EBF2: variants seen among roughly 807,000 people sequenced by gnomAD.
The protein encoded by EBF2 is EBF transcription factor 2, also known as transcription factor COE2.
EBF2 carries 21 observed loss-of-function variants against 72.8 expected under a neutral mutation model. That is an observed-to-expected ratio of 0.29 (90% CI 0.20 to 0.42). The LOEUF is 0.42. Ranked by LOEUF, EBF2 falls within the 10% of genes least tolerant of loss-of-function variation. The pLI, the probability that EBF2 is intolerant of heterozygous loss-of-function variation, is 1.00. For synonymous variants in EBF2, 299 were observed against 274.2 expected, an observed-to-expected ratio of 1.09 and a Z score of -0.89; for missense variants, 637 against 731.2, an observed-to-expected ratio of 0.87 and a Z score of 1.49.
chr8:25,949,709 A>C (rs1348443183), intron 6 of EBF2, among the ~76,000 whole-genome samples: 5 of 152,210 alleles, frequency 3.3e-5, no homozygotes, highest in Non-Finnish European at 7.3e-5. Flanking sequence ...AGAAAAAAAT[A>C]GTATTGAAAG....
chr8:25,886,165 C>G (rs1275058947), intron 10 of EBF2, among the ~76,000 whole-genome samples: 2 of 152,146 alleles, frequency 1.3e-5, no homozygotes, highest in African/African-American at 4.8e-5. Context: ...TCGGAATTAC[C>G]AAACATTTCA....
At chr8:25,898,822 G>T (rs1475493103) in intron 7 of EBF2, among the ~76,000 whole-genome samples, 1 of 152,134 alleles carries the variant, frequency 6.6e-6, no homozygotes, top group Non-Finnish European at 1.5e-5. Context: ...GAGGAACTAT[G>T]CACTCTTATT....
chr8:25,853,880 A>C (rs1274316976), intron 14 of EBF2, among the ~76,000 whole-genome samples: 1 of 152,154 alleles, frequency 6.6e-6, no homozygotes, highest in Non-Finnish European at 1.5e-5. Context: ...AGCCCCCTTT[A>C]ATTTTTAAAA....
intron 10 of EBF2, among the ~76,000 whole-genome samples, chr8:25,868,705 A>G (rs992221868): frequency 2.6e-4 from 39 of 152,122 alleles, no homozygotes; most frequent in African/African-American, 9.2e-4. Flanking sequence ...TGAACTCCTG[A>G]GCTCAAGCAA....
At chr8:25,986,807 T>C (rs1192325297) in intron 6 of EBF2, among the ~76,000 whole-genome samples, 2 of 152,188 alleles carry the variant, frequency 1.3e-5, no homozygotes, top group Admixed American at 6.5e-5. Flanking sequence ...TGGATAAGAA[T>C]AGAGTTGATT....
At chr8:26,025,417 G>C (rs1805287750) in intron 6 of EBF2, among the ~76,000 whole-genome samples, 1 of 152,036 alleles carries the variant, frequency 6.6e-6, no homozygotes, top group Non-Finnish European at 1.5e-5. Context: ...ATAACATAAG[G>C]ACTTAGCAAG....
intron 6 of EBF2, among the ~76,000 whole-genome samples, chr8:26,012,614 T>C (rs888390197): frequency 6.6e-6 from 1 of 152,214 alleles, no homozygotes; most frequent in Admixed American, 6.5e-5. Flanking sequence ...GATGGGCAGA[T>C]AAGGTTCTTA....
At chr8:25,869,630 G>GT (rs1349219734) in intron 10 of EBF2, among the ~76,000 whole-genome samples, 1 of 152,108 alleles carries the variant, frequency 6.6e-6, no homozygotes, top group East Asian at 1.9e-4. Context: ...AGAAACACAT[G>GT]TAAGAATAGC....
chr8:26,033,160 A>G lies in EBF2; in HGVS notation c.483-7T>C, dbSNP rs115613479. Reference sequence around the variant, plus strand: ...TTTCTTTTCGCAGCATCGACTGTAGATTGGGAAGGAACCAAGAGTGAAAGA... The same window carrying G: ...TTTCTTTTCGCAGCATCGACTGTAGGTTGGGAAGGAACCAAGAGTGAAAGA... On this transcript the variant is annotated splice_region_variant and splice_polypyrimidine_tract_variant and intron_variant, in intron 5 of 15. Coordinates refer to ENST00000520164, the MANE Select transcript of EBF2 (RefSeq NM_022659.4). 3.4e-4 allele frequency: 553 copies of G among 1,613,928 alleles called. 2 individuals carry two copies. In the African/African-American group the frequency reaches 6.3e-3, roughly 19 times the overall value.
intron 6 of EBF2, among the ~76,000 whole-genome samples, chr8:25,923,492 G>A (rs1803338092): frequency 6.6e-6 from 1 of 152,126 alleles, no homozygotes; most frequent in East Asian, 1.9e-4. Context: ...ACACAACCAG[G>A]CAATGATTCT....
chr8:25,938,521 T>C (rs1050691897), intron 6 of EBF2, among the ~76,000 whole-genome samples: 1 of 152,024 alleles, frequency 6.6e-6, no homozygotes, highest in Non-Finnish European at 1.5e-5. Flanking sequence ...ATATGAGAAA[T>C]ACATCTGAAA....
intron 6 of EBF2, among the ~76,000 whole-genome samples, chr8:25,965,165 T>C (rs972857669): frequency 2.3e-4 from 35 of 152,328 alleles, no homozygotes; most frequent in East Asian, 5.8e-4. Context: ...TTACTATATT[T>C]TCATGGACTT....
chr8:25,917,914 C>T (rs566408097), intron 6 of EBF2, among the ~76,000 whole-genome samples: 50 of 152,330 alleles, frequency 3.3e-4, no homozygotes, highest in Middle Eastern at 6.8e-3. Context: ...ACTCTCTACC[C>T]TACCATTAAT....
intron 7 of EBF2, among the ~76,000 whole-genome samples, chr8:25,893,647 G>A (rs932696644): frequency 3.9e-5 from 6 of 152,076 alleles, no homozygotes; most frequent in Non-Finnish European, 8.8e-5. Flanking sequence ...TGAGGATTAC[G>A]TGGAGGTAAA....
chr8:25,960,722 A>G (rs766809416), intron 6 of EBF2, among the ~76,000 whole-genome samples: 28 of 152,288 alleles, frequency 1.8e-4, no homozygotes, highest in Admixed American at 3.3e-4. Flanking sequence ...TCTCTAGAGC[A>G]TCATCAAAAA....
chr8:26,007,842 C>G (rs911057298), intron 6 of EBF2, among the ~76,000 whole-genome samples: 18 of 151,788 alleles, frequency 1.2e-4, no homozygotes, highest in African/African-American at 4.4e-4. Flanking sequence ...GAGAAAGCAG[C>G]TCCCAATTAC....
At chr8:26,014,866 CT>C (rs1439009608) in intron 6 of EBF2, among the ~76,000 whole-genome samples, 15 of 152,176 alleles carry the variant, frequency 9.9e-5, no homozygotes, top group Non-Finnish European at 1.9e-4. Flanking sequence ...ACCATTTGCC[CT>C]TAGTGGCTTC....
chr8:25,992,318 C>A (rs1426987240), intron 6 of EBF2, among the ~76,000 whole-genome samples: 33 of 107,464 alleles, frequency 3.1e-4, no homozygotes, highest in African/African-American at 1.1e-3. Flanking sequence ...TGGGCAACAG[C>A]GTGAGACTCT....
At chr8:25,861,493 C>CA in intron 11 of EBF2, 119 bp from the exon 12 acceptor site, 1 of 1,051,376 alleles carries the variant, frequency 9.5e-7, no homozygotes, top group Admixed American at 2.0e-5. Flanking sequence ...AGTAATTAGC[C>CA]AAGAGGTCCT....
Sources: allele counts gnomAD v4.1 joint callset (sites outside exome capture counted in the v4.1 genomes callset), GRCh38; gene constraint gnomAD v4.1.1; transcripts MANE v1.5; gene names NCBI Gene and HGNC (gene_info 2026-07-23, HGNC 2026-07-21).